Variants in RAB27A observed in about 807,000 individuals in gnomAD.
The protein encoded by RAB27A is RAB27A, member RAS oncogene family, also known as ras-related protein Rab-27A.
RAB27A carries 17 observed loss-of-function variants against 20.8 expected under a neutral mutation model. That is an observed-to-expected ratio of 0.82 (90% CI 0.56 to 1.23). The LOEUF is 1.23. Among genes scored for constraint, RAB27A ranks in the 50% most tolerant of loss-of-function variants. The probability of loss-of-function intolerance (pLI) is 0.00; values close to 1 mark genes in which losing one functional copy is unlikely to be tolerated. For synonymous variants in RAB27A, 85 were observed against 92.8 expected (o/e 0.92, Z 0.48); for missense variants, 277 against 266.7 (o/e 1.04, Z -0.27).
At chr15:55,225,704 TTTC>T (rs1418922393) in intron 5 of RAB27A, among the ~76,000 whole-genome samples, 2 of 152,234 alleles carry the variant, frequency 1.3e-5, no homozygotes, top group Admixed American at 6.5e-5. Context: ...TTATTGGTGA[TTTC>T]TTCTTTTTGT....
At chr15:55,272,728 A>G (rs954726855) in intron 1 of RAB27A, among the ~76,000 whole-genome samples, 1 of 152,242 alleles carries the variant, frequency 6.6e-6, no homozygotes, top group Non-Finnish European at 1.5e-5. Flanking sequence ...TTTTAGACAT[A>G]AACTCACAAG....
chr15:55,215,945 C>CAAAAAAA (rs1162706734), intron 6 of RAB27A, among the ~76,000 whole-genome samples: 26 of 52,828 alleles, frequency 4.9e-4, no homozygotes, highest in Admixed American at 9.1e-4. Flanking sequence ...GACGCCGTCT[C>CAAAAAAA]AAAAAAAAAA....
chr15:55,223,944 C>T lies in RAB27A; in HGVS notation c.412G>A (p.Glu138Lys). ...IVLCGNKSDL[E>K]DQRVVKEEEA... ...TCCTCTTTCACTACTCTCTGGTCCT[C>T]CAGATCACTCTTGTTTCCACACAGC... The change falls in exon 6 of 7, where the codon GAG becomes AAG. Residue 138 changes from glutamate to lysine, a missense_variant. Glu to Lys is a moderately conservative substitution (Grantham distance 56). Coordinates refer to ENST00000336787, the MANE Select transcript of RAB27A (RefSeq NM_183235.3). The T allele has an allele frequency of 6.2e-7, 1 of 1,613,586 alleles. No individual in the cohort carries two copies. Among genetic ancestry groups the T allele is most frequent in the Non-Finnish European group, 8.5e-7 (1 of 1,179,592 alleles).
chr15:55,308,457 C>T (rs2055007230), intron 2 of RAB27A, among the ~76,000 whole-genome samples: 1 of 152,176 alleles, frequency 6.6e-6, no homozygotes, highest in Admixed American at 6.5e-5. Context: ...CACTAGTTCC[C>T]GGAGTGAGGA....
chr15:55,209,753 T>TACATGTACACAATACGCATAAATGTGC (rs1894831622), intron 6 of RAB27A, among the ~76,000 whole-genome samples: 2 of 140,352 alleles, frequency 1.4e-5, no homozygotes, highest in African/African-American at 6.0e-5. Flanking sequence ...CATATATATG[T>TACATGTACACAATACGCATAAATGTGC]GTATGTGTGT....
At chr15:55,256,197 T>G (rs1897072571) in intron 2 of RAB27A, among the ~76,000 whole-genome samples, 1 of 152,152 alleles carries the variant, frequency 6.6e-6, no homozygotes, top group Non-Finnish European at 1.5e-5. Context: ...GGAGGATCAC[T>G]TGAGCCCAAG....
chr15:55,250,072 C>T (rs1390652403), intron 2 of RAB27A, among the ~76,000 whole-genome samples: 1 of 152,132 alleles, frequency 6.6e-6, no homozygotes. Flanking sequence ...AAGCAATTCT[C>T]ATGCCTCAGC....
intron 1 of RAB27A, chr15:55,317,404 T>G: frequency 4.4e-6 from 1 of 225,944 alleles, no homozygotes; most frequent in Non-Finnish European, 8.6e-6. Flanking sequence ...CACCTCTGCC[T>G]CCCAGGTTCA....
chr15:55,251,011 T>C (rs1397430931), intron 2 of RAB27A, among the ~76,000 whole-genome samples: 1 of 152,238 alleles, frequency 6.6e-6, no homozygotes, highest in African/African-American at 2.4e-5. Flanking sequence ...AGAATCTCAC[T>C]GTACACATTT....
chr15:55,290,255 C>T (rs1364226155), upstream of RAB27A: 1 of 152,232 alleles, frequency 6.6e-6, no homozygotes, highest in Non-Finnish European at 1.5e-5. Context: ...CTCACGCCGG[C>T]CCCGCCCGAG....
intron 1 of RAB27A, among the ~76,000 whole-genome samples, chr15:55,274,427 C>G (rs1897791977): frequency 6.6e-6 from 1 of 151,654 alleles, no homozygotes; most frequent in African/African-American, 2.4e-5. Flanking sequence ...ACCAAAAAAA[C>G]AGAAAAGAAA....
At chr15:55,301,078 C>G (rs554519294) in intron 2 of RAB27A, among the ~76,000 whole-genome samples, 3 of 152,238 alleles carry the variant, frequency 2.0e-5, no homozygotes, top group African/African-American at 7.2e-5. Context: ...TAGAAAATGC[C>G]ACCGTGACCT....
upstream of RAB27A, among the ~76,000 whole-genome samples, chr15:55,293,262 C>A (rs191012729): frequency 6.6e-6 from 1 of 151,820 alleles, no homozygotes; most frequent in Non-Finnish European, 1.5e-5. Context: ...CTAAGAGGTC[C>A]TAGAAGCAAT....
intron 2 of RAB27A, among the ~76,000 whole-genome samples, chr15:55,248,058 C>G (rs1008920842): frequency 6.6e-6 from 1 of 151,900 alleles, no homozygotes; most frequent in Non-Finnish European, 1.5e-5. Flanking sequence ...CTCAGCCTCC[C>G]AAGCAGCTGG....
intron 3 of RAB27A, among the ~76,000 whole-genome samples, chr15:55,231,582 C>T (rs74015521): frequency 0.046 from 7,052 of 152,068 alleles, 581 homozygotes; most frequent in African/African-American, 0.16. Flanking sequence ...TATTCCCATC[C>T]CCCTCACTCA....
intron 2 of RAB27A, among the ~76,000 whole-genome samples, chr15:55,306,858 G>C (rs1430512501): frequency 6.6e-6 from 1 of 152,142 alleles, no homozygotes. Context: ...ACAGTAAAGA[G>C]AAAAATACAA....
At chr15:55,214,500 C>G (rs1409554485) in intron 6 of RAB27A, among the ~76,000 whole-genome samples, 3 of 152,242 alleles carry the variant, frequency 2.0e-5, no homozygotes, top group Non-Finnish European at 4.4e-5. Flanking sequence ...TGTTTATCCA[C>G]CCACCTGTGA....
chr15:55,228,928 C>G (rs1256614291), intron 4 of RAB27A, among the ~76,000 whole-genome samples: 1 of 152,174 alleles, frequency 6.6e-6, no homozygotes, highest in Admixed American at 6.5e-5. Context: ...AGAGGGATGA[C>G]AAGAACCAGC....
rs144256618 is a variant in RAB27A at position 55,247,005 on chromosome 15, T to C, written c.-22-12049A>G. ...ATGCCTGATGAAGATCAATGAATCATAGCTATTCTTATGATTATGACAGAT... is the reference window on the plus strand; with the variant it reads ...ATGCCTGATGAAGATCAATGAATCACAGCTATTCTTATGATTATGACAGAT... On this transcript the variant is annotated intron_variant, in intron 2 of 6. Coordinates refer to ENST00000336787, the MANE Select transcript of RAB27A (RefSeq NM_183235.3). 1.1e-4 allele frequency among the ~76,000 whole-genome samples: 16 copies of C among 152,312 alleles called. No individual in the cohort carries two copies. In the East Asian group the frequency reaches 3.1e-3, roughly 29 times the overall value.
Sources: allele counts gnomAD v4.1 joint callset (sites outside exome capture counted in the v4.1 genomes callset), GRCh38; gene constraint gnomAD v4.1.1; transcripts MANE v1.5; gene names NCBI Gene and HGNC (gene_info 2026-07-23, HGNC 2026-07-21).